The following SORCS3 variants were observed in gnomAD, a reference collection of about 807,000 sequenced individuals.
SORCS3 encodes sortilin related VPS10 domain containing receptor 3.
In SORCS3, 57 loss-of-function variants were observed where a neutral mutation model predicts 146.3. The ratio of observed to expected loss-of-function variants is 0.39; its 90% confidence interval spans 0.31 to 0.49. The LOEUF is 0.49. Among genes scored for constraint, SORCS3 ranks in the 20% least tolerant of loss-of-function variants. The probability of loss-of-function intolerance (pLI) is 0.92; values close to 1 mark genes in which losing one functional copy is unlikely to be tolerated. For synonymous variants in SORCS3, 653 were observed against 618.5 expected (o/e 1.06, Z -0.83); for missense variants, 1,341 against 1,575.5 (o/e 0.85, Z 2.52).
At chr10:105,141,067 G>T (rs1398891972) in intron 8 of SORCS3, among the ~76,000 whole-genome samples, 4 of 152,156 alleles carry the variant, frequency 2.6e-5, no homozygotes, top group Non-Finnish European at 5.9e-5. Context: ...TCTCCCTGAG[G>T]TAGGGATTAT....
intron 7 of SORCS3, among the ~76,000 whole-genome samples, chr10:105,133,861 G>A (rs1477046201): frequency 6.6e-6 from 1 of 152,170 alleles, no homozygotes; most frequent in Non-Finnish European, 1.5e-5. Context: ...GGGAGGCTGA[G>A]GTAGGAGGAT....
intron 7 of SORCS3, among the ~76,000 whole-genome samples, chr10:105,107,174 C>A (rs2055828115): frequency 6.6e-6 from 1 of 152,198 alleles, no homozygotes; most frequent in Non-Finnish European, 1.5e-5. Context: ...CCAGGTCAGT[C>A]AAAGTCAGTC....
intron 5 of SORCS3, among the ~76,000 whole-genome samples, chr10:105,060,447 G>C (rs1226597468): frequency 6.6e-6 from 1 of 152,116 alleles, no homozygotes; most frequent in Non-Finnish European, 1.5e-5. Flanking sequence ...CCTTTAAAGG[G>C]TTCCACTCAG....
At chr10:105,102,398 G>A (rs192155134) in intron 6 of SORCS3, among the ~76,000 whole-genome samples, 34 of 152,258 alleles carry the variant, frequency 2.2e-4, no homozygotes, top group Admixed American at 5.9e-4. Flanking sequence ...TGGAGCTGGA[G>A]GCCATTATCC....
At chr10:104,856,882 T>G (rs2491383) in intron 2 of SORCS3, among the ~76,000 whole-genome samples, 78,486 of 144,496 alleles carry the variant, frequency 0.54, 22,413 homozygotes, top group East Asian at 0.72. Flanking sequence ...GAGATATATA[T>G]AGAGAGAAAG....
intron 2 of SORCS3, among the ~76,000 whole-genome samples, chr10:104,905,008 A>G (rs1385901139): frequency 6.6e-6 from 1 of 152,170 alleles, no homozygotes; most frequent in Non-Finnish European, 1.5e-5. Context: ...TGACTTGACA[A>G]TACATCCGAC....
chr10:104,796,656 T>C (rs1400377509), intron 1 of SORCS3, among the ~76,000 whole-genome samples: 1 of 152,232 alleles, frequency 6.6e-6, no homozygotes, highest in African/African-American at 2.4e-5. Flanking sequence ...GAATAGCCAA[T>C]TTAAATAAGT....
rs1564685527 is a variant in SORCS3, at chr10:104,794,627, GAGAGA to G, written c.628-48164_628-48160del. 9.2e-4 allele frequency among the ~76,000 whole-genome samples: 131 copies of G among 142,366 alleles called. 2 individuals are homozygous for G. The highest frequency in any genetic ancestry group is 8.1e-3 in the South Asian group (35 of 4,332). 93.4% of individuals were successfully genotyped at this position (142,366 alleles called of 152,430 possible). A position where few individuals can be genotyped will look rare whatever the true frequency, so the allele number is the denominator to read the frequency against. The stretch of plus-strand genomic sequence containing the variant: ...TGTGAGAGAGAGAGAGGGAGGGAGA[GAGAGA>G]GAGAGAGAGAGAGAGAGAGAGAGAG... On this transcript the variant is annotated intron_variant, in intron 1 of 26. Coordinates refer to ENST00000369701, the MANE Select transcript of SORCS3 (RefSeq NM_014978.3).
chr10:104,965,838 G>T (rs1046636582), intron 3 of SORCS3, among the ~76,000 whole-genome samples: 2 of 151,826 alleles, frequency 1.3e-5, no homozygotes, highest in Admixed American at 1.3e-4. Context: ...AGTTTTGTTG[G>T]TGTGCTTATG....
At chr10:105,128,459 G>A (rs1041020732) in intron 7 of SORCS3, among the ~76,000 whole-genome samples, 6 of 152,096 alleles carry the variant, frequency 3.9e-5, no homozygotes, top group Non-Finnish European at 5.9e-5. Flanking sequence ...CCAAAGAAGC[G>A]TCCCTAATTC....
intron 4 of SORCS3, among the ~76,000 whole-genome samples, chr10:104,983,314 G>A (rs963112992): frequency 6.6e-6 from 1 of 152,104 alleles, no homozygotes; most frequent in Non-Finnish European, 1.5e-5. Context: ...CCCCAAGCAT[G>A]CTTTTTCTAT....
rs71022746 is a variant in SORCS3, at chr10:104,741,700, G to GTTTTT, written c.627+99774_627+99778dup. Among the ~76,000 whole-genome samples, 15 of 3,266 alleles carry GTTTTT rather than the reference G, an allele frequency of 4.6e-3. 4 individuals are homozygous for GTTTTT. The highest frequency in any genetic ancestry group is 0.043 in the South Asian group (2 of 46). 2.1% of individuals were successfully genotyped at this position (3,266 alleles called of 152,430 possible). A position where few individuals can be genotyped will look rare whatever the true frequency, so the allele number is the denominator to read the frequency against. On this transcript the variant is annotated intron_variant, in intron 1 of 26. Transcript: ENST00000369701. Reference sequence around the variant, plus strand: ...CTTTCCTCTTTCCTTTCCATTCTGGGTTTTTTTTTTTTTTTTTTTTTTTTT... The same window carrying GTTTTT: ...CTTTCCTCTTTCCTTTCCATTCTGGGTTTTTTTTTTTTTTTTTTTTTTTTTTTTTT...
intron 2 of SORCS3, among the ~76,000 whole-genome samples, chr10:104,862,638 T>A (rs1197717879): frequency 6.6e-6 from 1 of 152,032 alleles, no homozygotes; most frequent in Non-Finnish European, 1.5e-5. Flanking sequence ...TTTTTAAATA[T>A]AATGTATAAA....
At position 105,068,448 on chromosome 10, in the gene SORCS3, C is replaced by T. The variant is rs181121751; in HGVS notation, c.1029-21327C>T. ...CTGTTGGCACTTCCTTCAGCCAGGTCCTCCTCTTCTTTTGCCTGGACCAGC... is the reference window on the plus strand; with the variant it reads ...CTGTTGGCACTTCCTTCAGCCAGGTTCTCCTCTTCTTTTGCCTGGACCAGC... On this transcript the variant is annotated intron_variant, in intron 5 of 26. Transcript: ENST00000369701. 2.0e-3 allele frequency among the ~76,000 whole-genome samples: 299 copies of T among 152,232 alleles called. 1 individual carries two copies. The highest frequency in any genetic ancestry group is 3.4e-3 in the Middle Eastern group (1 of 294).
chr10:104,914,945 G>A (rs891115075), intron 2 of SORCS3, among the ~76,000 whole-genome samples: 1 of 151,858 alleles, frequency 6.6e-6, no homozygotes, highest in Non-Finnish European at 1.5e-5. Flanking sequence ...CAGTGATGAC[G>A]GGAAGAGGAG....
At chr10:105,065,589 T>A (rs948554701) in intron 5 of SORCS3, among the ~76,000 whole-genome samples, 1 of 152,004 alleles carries the variant, frequency 6.6e-6, no homozygotes, top group South Asian at 2.1e-4. Flanking sequence ...AGTTGAGTGG[T>A]TATGAGTGAG....
intron 20 of SORCS3, among the ~76,000 whole-genome samples, chr10:105,228,706 A>G (rs1379192776): frequency 1.3e-5 from 2 of 152,180 alleles, no homozygotes; most frequent in East Asian, 3.8e-4. Context: ...TTCTGATGGT[A>G]AATCCACTCT....
chr10:105,074,178 G>A (rs2055574514), intron 5 of SORCS3, among the ~76,000 whole-genome samples: 1 of 152,108 alleles, frequency 6.6e-6, no homozygotes, highest in Admixed American at 6.5e-5. Context: ...CTCTCTTTTT[G>A]TCTTGTCCAG....
At chr10:105,218,463 G>C (rs2056678311) in intron 19 of SORCS3, among the ~76,000 whole-genome samples, 1 of 152,232 alleles carries the variant, frequency 6.6e-6, no homozygotes, top group South Asian at 2.1e-4. Context: ...TCCTCTTACA[G>C]AGTTTCCATT....
Sources: gnomAD v4.1 joint callset for allele counts (sites outside exome capture counted in the v4.1 genomes callset) on GRCh38, gnomAD v4.1.1 for gene constraint, MANE v1.5 for transcripts, NCBI Gene and HGNC (gene_info 2026-07-23, HGNC 2026-07-21) for gene names.